Variants in CDC123 observed in about 807,000 individuals in gnomAD.
CDC123 encodes the protein cell division cycle 123.
In CDC123, 37 loss-of-function variants were observed where a neutral mutation model predicts 54.4. The observed-to-expected ratio is 0.68, with a 90% CI of 0.52 to 0.89. The LOEUF is 0.89. Among genes scored for constraint, CDC123 ranks in the 40% least tolerant of loss-of-function variants. CDC123 has a pLI of 0.00. For synonymous variants in CDC123, 144 were observed against 136.8 expected (o/e 1.05, Z -0.37); for missense variants, 361 against 412.1 (o/e 0.88, Z 1.07).
intron 2 of CDC123, among the ~76,000 whole-genome samples, chr10:12,200,194 T>C (rs1835422941): frequency 7.0e-6 from 1 of 142,052 alleles, no homozygotes; most frequent in Non-Finnish European, 1.5e-5. Context: ...TGGCTCAATC[T>C]CAGCTCACTG....
At chr10:12,238,254 C>CAG (rs1224459507) in intron 9 of CDC123, among the ~76,000 whole-genome samples, 4 of 152,112 alleles carry the variant, frequency 2.6e-5, no homozygotes, top group African/African-American at 9.7e-5. Flanking sequence ...GGTTGGGGAA[C>CAG]AGAGAACAGT....
At chr10:12,249,440 A>G in intron 11 of CDC123, 141 bp from the exon 12 acceptor site, 1 of 872,928 alleles carries the variant, frequency 1.1e-6, no homozygotes, top group South Asian at 1.8e-5. Flanking sequence ...GCTCATTTTA[A>G]CTTAAGCATC....
At chr10:12,249,503 C>A in intron 11 of CDC123, 78 bp from the exon 12 acceptor site, 1 of 1,407,260 alleles carries the variant, frequency 7.1e-7, no homozygotes, top group Non-Finnish European at 9.8e-7. Flanking sequence ...AATTGTTTTG[C>A]TAGGTTCTTT....
At chr10:12,249,804 T>C in intron 12 of CDC123, 86 bp downstream of exon 12, 1 of 1,484,546 alleles carries the variant, frequency 6.7e-7, no homozygotes, top group Non-Finnish European at 9.0e-7. Context: ...ATTGGAATCC[T>C]GTATCACCTA....
Position 12,198,775 on chromosome 10 carries a change from A to G in CDC123, c.145A>G (p.Arg49Gly). Residue 49 changes from arginine (R) to glycine (G), a missense_variant and splice_region_variant, in exon 2 of 13, where the codon AGG (arginine) becomes GGG (glycine). Transcript: ENST00000281141. ...LDDGTLVVSG[R>G]DDPPTHSQPD... is the part of the protein sequence containing the mutation. ...TGATGGAACTCTGGTGGTTTCAGGA[A>G]GGTAAAGTATTTTAGAAAAAAATTT... 1 of 1,555,120 alleles carries G rather than the reference A, an allele frequency of 6.4e-7. No homozygotes were observed. Among genetic ancestry groups the G allele is most frequent in the Non-Finnish European group, 8.8e-7 (1 of 1,132,936 alleles).
chr10:12,210,585 C>G (rs1835584068), intron 4 of CDC123, among the ~76,000 whole-genome samples: 1 of 152,184 alleles, frequency 6.6e-6, no homozygotes, highest in South Asian at 2.1e-4. Context: ...TAAGCTCTGA[C>G]TCTCTGCAAG....
intron 2 of CDC123, among the ~76,000 whole-genome samples, chr10:12,200,467 G>T (rs891960994): frequency 4.6e-5 from 7 of 151,978 alleles, no homozygotes; most frequent in African/African-American, 1.7e-4. Context: ...CTTTATAAAT[G>T]AGCTTATATA....
intron 6 of CDC123, among the ~76,000 whole-genome samples, chr10:12,228,962 G>A (rs971186157): frequency 1.3e-5 from 2 of 152,158 alleles, no homozygotes; most frequent in African/African-American, 4.8e-5. Flanking sequence ...CAATCGGCCC[G>A]CCTCAGCCTC....
intron 2 of CDC123, among the ~76,000 whole-genome samples, chr10:12,200,120 ATTTTTTT>A (rs543337462): frequency 0.041 from 2,448 of 59,404 alleles, 169 homozygotes; most frequent in African/African-American, 0.14. Context: ...CGCACTCGGC[ATTTTTTT>A]TTTTTTTTTT....
At chr10:12,244,746 AGGCTGGGCAC>A (rs1272893137) in intron 10 of CDC123, 1 of 150,556 alleles carries the variant, frequency 6.6e-6, no homozygotes, top group African/African-American at 2.4e-5. Context: ...CAGCATCTTC[AGGCTGGGCAC>A]GGTGGCTCAT....
intron 7 of CDC123, among the ~76,000 whole-genome samples, chr10:12,233,650 A>G (rs894512634): frequency 2.6e-5 from 4 of 152,118 alleles, no homozygotes; most frequent in South Asian, 2.1e-4. Flanking sequence ...CTTTTAATAG[A>G]TAAGAACTGT....
chr10:12,233,471 C>T (rs936084070), intron 7 of CDC123, among the ~76,000 whole-genome samples: 18 of 152,106 alleles, frequency 1.2e-4, no homozygotes, highest in Non-Finnish European at 1.8e-4. Context: ...TGAAAATCAA[C>T]CACAGTGTAT....
chr10:12,208,810 C>T (rs946984574), intron 2 of CDC123, among the ~76,000 whole-genome samples: 5 of 152,206 alleles, frequency 3.3e-5, no homozygotes, highest in Admixed American at 1.3e-4. Flanking sequence ...AACTCCTCTT[C>T]CCTAATGAGG....
intron 1 of CDC123, among the ~76,000 whole-genome samples, 167 bp from the exon 2 acceptor site, chr10:12,198,538 T>C (rs1835395349): frequency 6.6e-6 from 1 of 152,224 alleles, no homozygotes; most frequent in African/African-American, 2.4e-5. Context: ...ACCGCAGTAA[T>C]CTTATTATTC....
At position 12,230,843 on chromosome 10, in the gene CDC123, T is replaced by A. The variant is rs1000126099; in HGVS notation, c.441-105T>A. The A allele has an allele frequency of 1.1e-5, 11 of 1,045,088 alleles. No individual in the cohort carries two copies. In the African/African-American group the frequency reaches 1.4e-4, roughly 14 times the overall value. 64.7% of individuals were successfully genotyped at this position (1,045,088 alleles called of 1,614,324 possible). A position where few individuals can be genotyped will look rare whatever the true frequency, so the allele number is the denominator to read the frequency against. On this transcript the variant is annotated intron_variant, in intron 6 of 12. Transcript: ENST00000281141. Reference sequence around the variant, plus strand: ...TTTGAGTTAGTCTCCTGTTTCTGGATGCTTTTAGTAAAACGTTACTCTCAT... The same window carrying A: ...TTTGAGTTAGTCTCCTGTTTCTGGAAGCTTTTAGTAAAACGTTACTCTCAT...
chr10:12,196,433 G>A (rs997994594), intron 1 of CDC123, 114 bp downstream of exon 1: 2 of 1,382,364 alleles, frequency 1.4e-6, no homozygotes, highest in African/African-American at 1.4e-5. Flanking sequence ...ATGGGAGGGA[G>A]TGTGTCGAGA....
intron 6 of CDC123, 37 bp from the exon 7 acceptor site, chr10:12,230,911 C>T: frequency 6.2e-7 from 1 of 1,600,618 alleles, no homozygotes; most frequent in Non-Finnish European, 8.5e-7. Context: ...GCACCAGTAA[C>T]AAAAAGATTC....
intron 4 of CDC123, among the ~76,000 whole-genome samples, chr10:12,211,783 G>T (rs1835605762): frequency 6.6e-6 from 1 of 152,208 alleles, no homozygotes; most frequent in Non-Finnish European, 1.5e-5. Context: ...TTTAATAGTG[G>T]TGGGGAGTAT....
chr10:12,228,194 C>G (rs1461507700), intron 6 of CDC123, among the ~76,000 whole-genome samples: 1 of 152,038 alleles, frequency 6.6e-6, no homozygotes, highest in East Asian at 1.9e-4. Context: ...CTCAGCCTTC[C>G]AAAGTGTTGG....
Sources: gnomAD v4.1 joint callset for allele counts (sites outside exome capture counted in the v4.1 genomes callset) on GRCh38, gnomAD v4.1.1 for gene constraint, MANE v1.5 for transcripts, NCBI Gene and HGNC (gene_info 2026-07-23, HGNC 2026-07-21) for gene names.